CD59: variants seen among roughly 807,000 people sequenced by gnomAD.
CD59 encodes the protein CD59 molecule (CD59 blood group).
A neutral mutation model predicts 7.0 loss-of-function variants in CD59; 3 were observed. That is an observed-to-expected ratio of 0.43 (90% CI 0.19 to 1.10). The LOEUF is 1.10. CD59 is among the 50% of genes least tolerant of loss of function. The pLI, the probability that CD59 is intolerant of heterozygous loss-of-function variation, is 0.29. For missense variants in CD59, 143 were observed against 151.0 expected (o/e 0.95, Z 0.28); for synonymous variants, 60 against 62.0 (o/e 0.97, Z 0.15).
In CD59 at chr11:33,712,621, G is replaced by A. The variant is rs994869017; in HGVS notation, c.170-2278C>T. ...CAGAAAGTACATCAGTCACTGCTGG[G>A]GCATGCAGGAGGGAGGAATGAGGAC... is the stretch of plus-strand genomic sequence containing the variant. On this transcript the variant is annotated intron_variant, in intron 3 of 3. Transcript: ENST00000642928. 2.0e-5 allele frequency among the ~76,000 whole-genome samples: 3 copies of A among 152,214 alleles called. No individual in the cohort carries two copies. The South Asian group carries it at 6.2e-4, about 32-fold the overall frequency.
At chr11:33,730,901 G>A (rs531074168) in intron 1 of CD59, among the ~76,000 whole-genome samples, 76 of 152,182 alleles carry the variant, frequency 5.0e-4, no homozygotes, top group Admixed American at 1.6e-3. Flanking sequence ...GTGGCCGCCT[G>A]CCATTTCAGA....
intron 1 of CD59, chr11:33,722,744 T>G (rs927395247): frequency 1.7e-6 from 2 of 1,191,234 alleles, no homozygotes. Context: ...ATGAGCAAAT[T>G]GACTCATATA....
intron 1 of CD59, among the ~76,000 whole-genome samples, chr11:33,735,012 T>G (rs913979329): frequency 1.3e-5 from 2 of 152,224 alleles, no homozygotes; most frequent in African/African-American, 4.8e-5. Flanking sequence ...GTTTCTAGTT[T>G]CCACTGTGAA....
In CD59 at chr11:33,706,197, C is replaced by G. The variant is rs546990821; in HGVS notation, c.*3929G>C. 1.3e-5 allele frequency: 2 copies of G among 152,034 alleles called. No individual in the cohort carries two copies. The highest frequency in any genetic ancestry group is 4.2e-4 in the South Asian group (2 of 4,780). The allele number at this position is 152,034 out of a possible 1,614,324, so 9.4% of individuals were successfully genotyped here. The stretch of plus-strand genomic sequence containing the variant: ...TACCTACAATGAACCATCACAGGCA[C>G]CCACCTAGAAATTAAGGTACTGTGG... On this transcript the variant is annotated 3_prime_UTR_variant, in exon 4 of 4. Coordinates refer to ENST00000642928, the MANE Select transcript of CD59 (RefSeq NM_000611.6).
In CD59 at chr11:33,736,185, T is replaced by C. The variant is rs1289213632; in HGVS notation, c.-19+197A>G. ...CGTTTCTCCTTCCTCGTAGATAAAA[T>C]GAAGCCAGCGTTCGGCTAGGACACC... On this transcript the variant is annotated intron_variant, in intron 1 of 3. Coordinates refer to ENST00000642928, the MANE Select transcript of CD59 (RefSeq NM_000611.6). The surrounding 1 kb of genome is among the most constrained non-coding windows in gnomAD (Gnocchi z 4.4). Among the ~76,000 whole-genome samples the C allele has an allele frequency of 6.6e-6, 1 of 152,062 alleles. No homozygotes were observed. The highest frequency in any genetic ancestry group is 2.4e-5 in the African/African-American group (1 of 41,408).
chr11:33,728,550 C>T (rs1854324082), intron 1 of CD59, among the ~76,000 whole-genome samples: 2 of 152,182 alleles, frequency 1.3e-5, no homozygotes, highest in Admixed American at 1.3e-4. Flanking sequence ...AAATGTAAGA[C>T]CTAAAACCAT....
intron 2 of CD59, among the ~76,000 whole-genome samples, chr11:33,721,072 C>T (rs1401380589): frequency 6.6e-6 from 1 of 152,002 alleles, no homozygotes; most frequent in Admixed American, 6.6e-5. Flanking sequence ...AATATTCCAA[C>T]TTAAGCAGCA....
intron 2 of CD59, chr11:33,717,860 T>C (rs1334433395): frequency 7.0e-6 from 2 of 285,080 alleles, no homozygotes; most frequent in African/African-American, 2.2e-5. Context: ...CGTGGGTTGA[T>C]GATCAATGTC....
rs1464412178 is a variant in CD59, at chr11:33,710,520, T to C, written c.170-177A>G. On this transcript the variant is annotated intron_variant, in intron 3 of 3. Transcript: ENST00000642928. ...AAGTAAATAATGATACACCTCTAAA[T>C]AGAGCTTTTACAGAAAACCAAGGTC... 3.9e-5 allele frequency among the ~76,000 whole-genome samples: 6 copies of C among 152,102 alleles called. No homozygotes were observed. In the East Asian group the frequency reaches 7.7e-4, roughly 20 times the overall value.
chr11:33,731,775 ATAT>A (rs1425118790), intron 1 of CD59, among the ~76,000 whole-genome samples: 1 of 151,044 alleles, frequency 6.6e-6, no homozygotes. Flanking sequence ...TAGTTCTTAA[ATAT>A]TTAGGAGCCG....
At position 33,703,500 on chromosome 11, in the gene CD59, C is replaced by A. The variant is rs1005781801; in HGVS notation, c.*6626G>T. 1 of 152,236 alleles carries A rather than the reference C, an allele frequency of 6.6e-6. No homozygotes were observed. The highest frequency in any genetic ancestry group is 6.5e-5 in the Admixed American group (1 of 15,282). 9.4% of individuals were successfully genotyped at this position (152,236 alleles called of 1,614,324 possible). A position where few individuals can be genotyped will look rare whatever the true frequency, so the allele number is the denominator to read the frequency against. ...ATTAAGTACCATCCTGTTGGAGCTT[C>A]CTAACGCCCCTGCTCCCTGGTTTCA... On this transcript the variant is annotated 3_prime_UTR_variant, in exon 4 of 4. Coordinates refer to ENST00000642928, the MANE Select transcript of CD59 (RefSeq NM_000611.6).
Position 33,722,441 on chromosome 11 carries a change from C to A in CD59, c.5G>T (p.Gly2Val), listed in dbSNP as rs767728205. Reference sequence around the variant, plus strand: ...GAACAGGACAGACCCTCCTTGGATTCCCATTGTGATTGTCCACAGAACCTG... The same window carrying A: ...GAACAGGACAGACCCTCCTTGGATTACCATTGTGATTGTCCACAGAACCTG... M[G>V]IQGGSVLFGL... Residue 2 changes from glycine to valine, a missense_variant, in exon 2 of 4, where the codon GGA (glycine) becomes GTA (valine). Gly to Val is a moderately radical substitution (Grantham distance 109, BLOSUM62 -3). Coordinates refer to ENST00000642928, the MANE Select transcript of CD59 (RefSeq NM_000611.6). 6.2e-7 allele frequency: 1 copy of A among 1,613,980 alleles called. No homozygotes were observed. Among genetic ancestry groups the A allele is most frequent in the Non-Finnish European group, 8.5e-7 (1 of 1,179,926 alleles).
At position 33,710,056 on chromosome 11, in the gene CD59, G is replaced by A; in HGVS notation, c.*70C>T. On this transcript the variant is annotated 3_prime_UTR_variant, in exon 4 of 4. Coordinates refer to ENST00000642928, the MANE Select transcript of CD59 (RefSeq NM_000611.6). ...CCATTTGGAAAATATCAAGCCTTTA[G>A]AATGTGGCAGCAAGAGAAAGCGGAC... 8.5e-7 allele frequency: 1 copy of A among 1,181,198 alleles called. No individual in the cohort carries two copies. The highest frequency in any genetic ancestry group is 1.2e-6 in the Non-Finnish European group (1 of 805,650). 73.2% of individuals were successfully genotyped at this position (1,181,198 alleles called of 1,614,324 possible).
intron 3 of CD59, among the ~76,000 whole-genome samples, chr11:33,712,385 G>A (rs1853596996): frequency 6.6e-6 from 1 of 152,196 alleles, no homozygotes; most frequent in Non-Finnish European, 1.5e-5. Context: ...CAACCCATAT[G>A]TCCATTACTG....
chr11:33,708,368 A>C lies in CD59; in HGVS notation c.*1758T>G, dbSNP rs767134414. ...AAGTGGGTACATGACACAAGATAGC[A>C]GTAAGCCAATCTCATCCTAGAATCT... On this transcript the variant is annotated 3_prime_UTR_variant, in exon 4 of 4. Coordinates refer to ENST00000642928, the MANE Select transcript of CD59 (RefSeq NM_000611.6). 2 of 152,218 alleles carry C rather than the reference A, an allele frequency of 1.3e-5. No individual in the cohort carries two copies. Among genetic ancestry groups the C allele is most frequent in the Non-Finnish European group, 2.9e-5 (2 of 68,054 alleles). 9.4% of individuals were successfully genotyped at this position (152,218 alleles called of 1,614,324 possible). A position where few individuals can be genotyped will look rare whatever the true frequency, so the allele number is the denominator to read the frequency against.
chr11:33,722,620 C>T (rs1464688527), intron 1 of CD59, 157 bp from the exon 2 acceptor site: 1 of 1,500,852 alleles, frequency 6.7e-7, no homozygotes, highest in African/African-American at 1.4e-5. Context: ...CAGCTCTGAC[C>T]CACAGCACCA....
chr11:33,712,323 T>C (rs1397755469), intron 3 of CD59, among the ~76,000 whole-genome samples: 1 of 152,174 alleles, frequency 6.6e-6, no homozygotes, highest in African/African-American at 2.4e-5. Context: ...ACACACAAGT[T>C]TCCACATGAA....
chr11:33,735,913 C>CAA (rs571280343), intron 1 of CD59, among the ~76,000 whole-genome samples: 1,733 of 139,754 alleles, frequency 0.012, 14 homozygotes, highest in Middle Eastern at 0.033. Context: ...AACTCCATCT[C>CAA]AAAAAAAAAA....
At position 33,709,896 on chromosome 11, in the gene CD59, T is replaced by G. The variant is rs1853463120; in HGVS notation, c.*230A>C. On this transcript the variant is annotated 3_prime_UTR_variant, in exon 4 of 4. Coordinates refer to ENST00000642928, the MANE Select transcript of CD59 (RefSeq NM_000611.6). ...GAGGAAGCATGCAATCTAGTTCAAG[T>G]CACACCTACTTCACTCTTAGACTTC... 1 of 607,168 alleles carries G rather than the reference T, an allele frequency of 1.6e-6. No homozygotes were observed. The highest frequency in any genetic ancestry group is 2.9e-6 in the Non-Finnish European group (1 of 342,842). 37.6% of individuals were successfully genotyped at this position (607,168 alleles called of 1,614,324 possible).
Sources: gnomAD v4.1 joint callset for allele counts (sites outside exome capture counted in the v4.1 genomes callset) on GRCh38, gnomAD v4.1.1 for gene constraint, Gnocchi (gnomAD v3.1) non-coding constraint, MANE v1.5 for transcripts, NCBI Gene and HGNC (gene_info 2026-07-23, HGNC 2026-07-21) for gene names.